RTTN: variants seen among roughly 807,000 people sequenced by gnomAD.
RTTN encodes rotatin.
RTTN carries 182 observed loss-of-function variants against 269.2 expected under a neutral mutation model. That is an observed-to-expected ratio of 0.68 (90% CI 0.60 to 0.76). The LOEUF is 0.76. Ranked by LOEUF, RTTN falls within the 30% of genes least tolerant of loss-of-function variation. RTTN has a pLI of 0.00. For missense variants in RTTN, 2,545 were observed against 2,608.6 expected (o/e 0.98, Z 0.53); for synonymous variants, 1,006 against 963.5 (o/e 1.04, Z -0.82).
chr18:70,068,096 A>C (rs1474143018), intron 34 of RTTN, among the ~76,000 whole-genome samples: 2 of 152,222 alleles, frequency 1.3e-5, no homozygotes, highest in African/African-American at 4.8e-5. Flanking sequence ...CTATTTTAAT[A>C]ACTAAAAGCA....
chr18:70,094,089 G>A (rs370011806), intron 28 of RTTN, among the ~76,000 whole-genome samples: 45 of 41,982 alleles, frequency 1.1e-3, no homozygotes, highest in African/African-American at 1.4e-3. Flanking sequence ...GCGTAGAGGT[G>A]TTTATAACAC....
intron 25 of RTTN, 93 bp downstream of exon 25, chr18:70,127,409 A>G: frequency 7.3e-7 from 1 of 1,371,060 alleles, no homozygotes; most frequent in Non-Finnish European, 9.8e-7. Context: ...AGCAGCAGTA[A>G]GGGCATAGAC....
chr18:70,100,094 T>C (rs1341998027), intron 28 of RTTN, among the ~76,000 whole-genome samples: 1 of 152,222 alleles, frequency 6.6e-6, no homozygotes, highest in Non-Finnish European at 1.5e-5. Context: ...AACTTTAAAG[T>C]AGTTTTTTCC....
chr18:70,150,255 T>C (rs982247697), intron 15 of RTTN, 168 bp from the exon 16 acceptor site: 1 of 589,178 alleles, frequency 1.7e-6, no homozygotes, highest in Non-Finnish European at 3.0e-6. Context: ...TCTGTTTTTC[T>C]TCCTTAATAT....
intron 14 of RTTN, among the ~76,000 whole-genome samples, chr18:70,162,517 C>T (rs2060857942): frequency 6.6e-6 from 1 of 152,162 alleles, no homozygotes; most frequent in Admixed American, 6.5e-5. Flanking sequence ...CACCTCTTCA[C>T]AGGGCGGCAG....
In RTTN at chr18:70,073,888, T is replaced by G. The variant is rs768245345; in HGVS notation, c.4653+18A>C. ...TCAGAGATTCAAAATAAAGGACTTA[T>G]GCATTCTTTGCAAGTACCGTTGTTT... On this transcript the variant is annotated intron_variant, in intron 34 of 48. Coordinates refer to ENST00000640769, the MANE Select transcript of RTTN (RefSeq NM_173630.4). 1.3e-6 allele frequency: 2 copies of G among 1,572,530 alleles called. No homozygotes were observed. The highest frequency in any genetic ancestry group is 2.2e-5 in the South Asian group (2 of 90,174).
At chr18:70,051,601 C>A (rs7238844) in intron 38 of RTTN, 53 bp from the exon 39 acceptor site, 11 of 1,397,490 alleles carry the variant, frequency 7.9e-6, no homozygotes, top group African/African-American at 7.3e-5. Context: ...AGGAAAAGAA[C>A]CTTTCAAGAT....
At chr18:70,147,668 C>T (rs1459043213) in intron 17 of RTTN, among the ~76,000 whole-genome samples, 3 of 152,050 alleles carry the variant, frequency 2.0e-5, no homozygotes, top group Non-Finnish European at 2.9e-5. Flanking sequence ...ATAAGGAAAA[C>T]AAATATGTCA....
At chr18:70,170,170 C>T (rs1427387099) in intron 11 of RTTN, among the ~76,000 whole-genome samples, 1 of 152,136 alleles carries the variant, frequency 6.6e-6, no homozygotes, top group Non-Finnish European at 1.5e-5. Flanking sequence ...ACTCAATTAT[C>T]TGCTCACCTA....
intron 11 of RTTN, among the ~76,000 whole-genome samples, chr18:70,173,291 G>A (rs545936884): frequency 1.3e-5 from 2 of 152,034 alleles, no homozygotes; most frequent in East Asian, 1.9e-4. Flanking sequence ...TCAAGAGATC[G>A]AGACCATCCT....
intron 17 of RTTN, among the ~76,000 whole-genome samples, chr18:70,148,230 T>A (rs2145776648): frequency 6.6e-6 from 1 of 152,314 alleles, no homozygotes; most frequent in East Asian, 1.9e-4. Flanking sequence ...TTATCCCTGC[T>A]TATCCATCTC....
chr18:70,087,156 C>T (rs1197937465), intron 31 of RTTN, among the ~76,000 whole-genome samples: 1 of 151,944 alleles, frequency 6.6e-6, no homozygotes, highest in Non-Finnish European at 1.5e-5. Context: ...AAATACAAAC[C>T]ACAAATGTCC....
At chr18:70,168,053 C>T (rs59458865) in intron 12 of RTTN, among the ~76,000 whole-genome samples, 11,736 of 147,598 alleles carry the variant, frequency 0.08, 972 homozygotes, top group African/African-American at 0.2. Context: ...GAGGCCAAGG[C>T]AGATGGATTG....
rs554770361 is a variant in RTTN at position 70,065,958 on chromosome 18, A to G, written c.4654-36T>C. On this transcript the variant is annotated intron_variant, in intron 34 of 48. Coordinates refer to ENST00000640769, the MANE Select transcript of RTTN (RefSeq NM_173630.4). Reference sequence around the variant, plus strand: ...GTAAATTATTTTACTTATTAATGTTACAGTACGGAAAATGAAACACAGGCA... The same window carrying G: ...GTAAATTATTTTACTTATTAATGTTGCAGTACGGAAAATGAAACACAGGCA... 1.5e-5 allele frequency: 21 copies of G among 1,447,868 alleles called. No individual in the cohort carries two copies. In the African/African-American group the frequency reaches 2.0e-4, roughly 14 times the overall value. The allele number at this position is 1,447,868 out of a possible 1,614,324, so 89.7% of individuals were successfully genotyped here. A position where few individuals can be genotyped will look rare whatever the true frequency, so the allele number is the denominator to read the frequency against.
intron 46 of RTTN, among the ~76,000 whole-genome samples, chr18:70,016,988 G>A (rs1421670848): frequency 2.0e-5 from 3 of 152,086 alleles, no homozygotes; most frequent in South Asian, 2.1e-4. Context: ...GTGAGGAGGA[G>A]GAAAGAGAAG....
At chr18:70,029,924 C>T in intron 42 of RTTN, 88 bp downstream of exon 42, 1 of 861,014 alleles carries the variant, frequency 1.2e-6, no homozygotes, top group East Asian at 2.4e-5. Flanking sequence ...AAATGAGACA[C>T]TCATTTCAAG....
At chr18:70,027,977 T>C (rs1400231338) in intron 43 of RTTN, among the ~76,000 whole-genome samples, 1 of 152,182 alleles carries the variant, frequency 6.6e-6, no homozygotes, top group Non-Finnish European at 1.5e-5. Context: ...AAAGCTTCCA[T>C]AATTTATCTT....
intron 28 of RTTN, 66 bp from the exon 29 acceptor site, chr18:70,092,870 T>C: frequency 7.1e-7 from 1 of 1,406,664 alleles, no homozygotes; most frequent in Non-Finnish European, 9.7e-7. Flanking sequence ...GATAAATATA[T>C]AACTGTCTAC....
chr18:70,100,110 T>C (rs1372245489), intron 28 of RTTN, among the ~76,000 whole-genome samples: 1 of 152,276 alleles, frequency 6.6e-6, no homozygotes, highest in Non-Finnish European at 1.5e-5. Flanking sequence ...TTTCCAATTC[T>C]GTGAAGAAAG....
Sources: gnomAD v4.1 joint callset for allele counts (sites outside exome capture counted in the v4.1 genomes callset) on GRCh38, gnomAD v4.1.1 for gene constraint, MANE v1.5 for transcripts, NCBI Gene and HGNC (gene_info 2026-07-23, HGNC 2026-07-21) for gene names.